GART: variants seen among roughly 807,000 people sequenced by gnomAD.
The protein encoded by GART is phosphoribosylglycinamide formyltransferase, phosphoribosylglycinamide synthetase, phosphoribosylaminoimidazole synthetase, also known as trifunctional purine biosynthetic protein adenosine-3.
GART carries 43 observed loss-of-function variants against 107.2 expected under a neutral mutation model. That is an observed-to-expected ratio of 0.40 (90% CI 0.31 to 0.52). The LOEUF (loss-of-function observed/expected upper bound fraction) is 0.52, where lower values mean the gene tolerates loss of function less well. Among genes scored for constraint, GART ranks in the 20% least tolerant of loss-of-function variants. The pLI is 0.52. For synonymous variants in GART, 434 were observed against 427.0 expected (o/e 1.02, Z -0.20); for missense variants, 1,107 against 1,206.5 (o/e 0.92, Z 1.22).
intron 2 of GART, among the ~76,000 whole-genome samples, chr21:33,537,947 G>A (rs1289258514): frequency 6.6e-6 from 1 of 152,030 alleles, no homozygotes. Flanking sequence ...TGCCAATTGA[G>A]AGATAAGGGT....
intron 15 of GART, 63 bp from the exon 16 acceptor site, chr21:33,517,204 C>T: frequency 1.3e-6 from 2 of 1,563,260 alleles, no homozygotes; most frequent in Non-Finnish European, 1.7e-6. Context: ...ACATAAAAAT[C>T]AACCTGGAGA....
chr21:33,505,482 G>T, intron 20 of GART, 79 bp downstream of exon 20: 1 of 1,274,804 alleles, frequency 7.8e-7, no homozygotes, highest in Non-Finnish European at 1.1e-6. Flanking sequence ...TTCACTACTG[G>T]GATTGTTTGG....
chr21:33,511,030 G>A (rs2084775955), intron 17 of GART, among the ~76,000 whole-genome samples: 1 of 152,096 alleles, frequency 6.6e-6, no homozygotes, highest in African/African-American at 2.4e-5. Context: ...GCGATCCTGT[G>A]GGGTGTGGCT....
chr21:33,527,566 A>T (rs2085097777), intron 10 of GART, among the ~76,000 whole-genome samples: 1 of 152,110 alleles, frequency 6.6e-6, no homozygotes. Context: ...GAGAGTGGCC[A>T]AACTATAGGC....
intron 18 of GART, 42 bp downstream of exon 18, chr21:33,509,741 G>C: frequency 6.2e-7 from 1 of 1,601,364 alleles, no homozygotes. Context: ...GGAAAGGAAG[G>C]GCAGTCAACA....
intron 1 of GART, among the ~76,000 whole-genome samples, chr21:33,540,982 C>T (rs1291012573): frequency 6.6e-6 from 1 of 151,440 alleles, no homozygotes; most frequent in Non-Finnish European, 1.5e-5. Context: ...AGCAATTTTG[C>T]TTCAGATTCT....
chr21:33,516,945 T>C, intron 16 of GART, 44 bp downstream of exon 16: 1 of 1,538,748 alleles, frequency 6.5e-7, no homozygotes, highest in Non-Finnish European at 8.8e-7. Context: ...TGCATTTTTT[T>C]CCTCAGCAAT....
intron 10 of GART, among the ~76,000 whole-genome samples, chr21:33,526,526 T>G (rs889743859): frequency 1.3e-5 from 2 of 151,942 alleles, no homozygotes; most frequent in Non-Finnish European, 2.9e-5. Flanking sequence ...GCTTCTTTTT[T>G]TCTTTTTCGA....
At position 33,509,814 on chromosome 21, in the gene GART, C is replaced by CTT. The variant is rs758551787; in HGVS notation, c.2419_2420dup (p.Ala808ArgfsTer7). On this transcript the variant is annotated frameshift_variant, in exon 18 of 22. Transcript: ENST00000381815. LOFTEE classifies it high-confidence loss of function. ...CAGATATTAAGACAGCCACTCTGGC[C>CTT]TTTTTTTTTTCAAAAGAGAAATGAT... The CTT allele has an allele frequency of 4.8e-6, 7 of 1,443,542 alleles. No individual in the cohort carries two copies. Among genetic ancestry groups the CTT allele is most frequent in the South Asian group, 2.5e-5 (2 of 79,486 alleles). 89.4% of individuals were successfully genotyped at this position (1,443,542 alleles called of 1,614,324 possible).
intron 7 of GART, 119 bp from the exon 8 acceptor site, chr21:33,529,056 G>A (rs1197117821): frequency 3.4e-6 from 2 of 582,354 alleles, no homozygotes; most frequent in Non-Finnish European, 6.0e-6. Flanking sequence ...CCTGAAACAT[G>A]CTGAACACTT....
intron 10 of GART, among the ~76,000 whole-genome samples, chr21:33,525,263 G>A (rs991893868): frequency 1.3e-5 from 2 of 152,006 alleles, no homozygotes; most frequent in South Asian, 2.1e-4. Flanking sequence ...CAAGTGTGGC[G>A]GCACACACCA....
chr21:33,539,250 T>C lies in GART; in HGVS notation c.66A>G (p.Ala22=). ...GREHTLAWKL[A]QSHHVKQVLV... is the part of the protein sequence containing the mutation. ...ACACTTGTTTGACATGATGAGACTG[T>C]GCAAGTTTCCAGGCCAGCGTATGTT... The change falls in exon 2 of 22, where the codon GCA becomes GCG. Residue 22 remains alanine (A), a synonymous_variant. Coordinates refer to ENST00000381815, the MANE Select transcript of GART (RefSeq NM_000819.5). The C allele has an allele frequency of 1.9e-6, 3 of 1,614,210 alleles. No individual in the cohort carries two copies. The highest frequency in any genetic ancestry group is 1.1e-5 in the South Asian group (1 of 91,084).
chr21:33,534,675 T>C lies in GART; in HGVS notation c.320A>G (p.Lys107Arg), dbSNP rs978205372. ...GTCCATAAACTCTTTGGCAAACCTT[T>C]TGCTGGACTCTAACTGAGCCGCTTC... The part of the protein sequence containing the change: ...TAEAAQLESS[K>R]RFAKEFMDRH... The change falls in exon 4 of 22, where the codon AAA becomes AGA. Residue 107 changes from lysine to arginine, a missense_variant. By Grantham distance (26) the Lys-to-Arg change is conservative. Transcript: ENST00000381815. 5.0e-6 allele frequency: 8 copies of C among 1,613,830 alleles called. No homozygotes were observed. The highest frequency in any genetic ancestry group is 5.1e-6 in the Non-Finnish European group (6 of 1,179,854).
intron 8 of GART, 70 bp downstream of exon 8, chr21:33,528,772 AGGGAATGG>A: frequency 9.4e-7 from 1 of 1,066,110 alleles, no homozygotes; most frequent in Non-Finnish European, 1.4e-6. Context: ...AAAAAAAAAA[AGGGAATGG>A]AAAATAAGTT....
intron 5 of GART, 193 bp from the exon 6 acceptor site, chr21:33,531,750 C>T (rs2085195427): frequency 3.5e-6 from 2 of 566,090 alleles, no homozygotes; most frequent in Non-Finnish European, 6.2e-6. Context: ...AATAGTGTAG[C>T]TAACACTGGT....
rs58007561 is a variant in GART at position 33,525,683 on chromosome 21, A to G, written c.1067-683T>C. 8.3e-3 allele frequency among the ~76,000 whole-genome samples: 1,267 copies of G among 152,024 alleles called. 22 individuals are homozygous for G. The highest frequency in any genetic ancestry group is 0.029 in the African/African-American group (1,220 of 41,476). On this transcript the variant is annotated intron_variant, in intron 10 of 21. Transcript: ENST00000381815. Reference sequence around the variant, plus strand: ...TGATCTGCCCGCCTTGGCCTCCCAGATAGGTTTTAATGCAATGTAATAGTA... The same window carrying G: ...TGATCTGCCCGCCTTGGCCTCCCAGGTAGGTTTTAATGCAATGTAATAGTA...
intron 3 of GART, 32 bp from the exon 4 acceptor site, chr21:33,534,785 C>A: frequency 1.3e-6 from 2 of 1,522,506 alleles, no homozygotes; most frequent in South Asian, 1.3e-5. Flanking sequence ...TTAGGTGAAC[C>A]AAGGTCTCCC....
intron 10 of GART, among the ~76,000 whole-genome samples, chr21:33,526,567 A>C (rs2085077817): frequency 6.6e-6 from 1 of 151,440 alleles, no homozygotes; most frequent in Non-Finnish European, 1.5e-5. Flanking sequence ...CATGAGACTT[A>C]AGTTTCTTTC....
intron 11 of GART, chr21:33,524,361 C>A: frequency 2.6e-6 from 2 of 776,104 alleles, no homozygotes; most frequent in Non-Finnish European, 3.1e-6. Context: ...CTGGCCTTGG[C>A]AACATGGTGA....
Sources: gnomAD v4.1 joint callset for allele counts (sites outside exome capture counted in the v4.1 genomes callset) on GRCh38, gnomAD v4.1.1 for gene constraint, MANE v1.5 for transcripts, NCBI Gene and HGNC (gene_info 2026-07-23, HGNC 2026-07-21) for gene names.